Variants in PSMA3 observed in about 807,000 individuals in gnomAD.
PSMA3 encodes proteasome subunit alpha type-3.
Under a neutral mutation model 40.0 loss-of-function variants are expected in PSMA3, and 8 were observed. That is an observed-to-expected ratio of 0.20 (90% confidence interval 0.12 to 0.36). The LOEUF is 0.36. Ranked by LOEUF, PSMA3 falls within the 10% of genes least tolerant of loss-of-function variation. The pLI, the probability that PSMA3 is intolerant of heterozygous loss-of-function variation, is 1.00. For synonymous variants in PSMA3, 110 were observed against 100.0 expected (o/e 1.10, Z -0.59); for missense variants, 219 against 310.6 (o/e 0.70, Z 2.22).
At position 58,254,333 on chromosome 14, in the gene PSMA3, C is replaced by CATAT. The variant is rs544540648; in HGVS notation, c.228+2098_228+2101dup. 9.7e-4 allele frequency among the ~76,000 whole-genome samples: 23 copies of CATAT among 23,798 alleles called. 7 individuals are homozygous for CATAT. In the South Asian group the frequency reaches 0.02, roughly 21 times the overall value. 15.6% of individuals were successfully genotyped at this position (23,798 alleles called of 152,430 possible). On this transcript the variant is annotated intron_variant, in intron 3 of 10. Transcript: ENST00000216455. ...AATATTTTGAAAAAAATTATGCATG[C>CATAT]ATATATATATGTATGTACACACACA...
At chr14:58,257,322 C>T (rs934860244) in intron 3 of PSMA3, among the ~76,000 whole-genome samples, 2 of 151,644 alleles carry the variant, frequency 1.3e-5, no homozygotes, top group African/African-American at 4.9e-5. Flanking sequence ...ATGGTGAAAC[C>T]CCATCTCTAC....
chr14:58,267,024 GTC>G (rs907150655), intron 7 of PSMA3: 3 of 152,094 alleles, frequency 2.0e-5, no homozygotes, highest in Non-Finnish European at 2.9e-5. Context: ...TTTTTAGACA[GTC>G]TCTCTCTCTG....
At chr14:58,259,395 A>T (rs980363362) in intron 5 of PSMA3, among the ~76,000 whole-genome samples, 1 of 151,950 alleles carries the variant, frequency 6.6e-6, no homozygotes, top group African/African-American at 2.4e-5. Context: ...GGTCACTGCA[A>T]CCTCTGCCTC....
At chr14:58,252,081 T>A in intron 2 of PSMA3, 38 bp from the exon 3 acceptor site, 1 of 1,558,550 alleles carries the variant, frequency 6.4e-7, no homozygotes, top group Middle Eastern at 1.9e-4. Flanking sequence ...TTTCTTTTAT[T>A]TTCAGTTAAA....
intron 3 of PSMA3, among the ~76,000 whole-genome samples, chr14:58,257,404 A>G (rs971940152): frequency 7.9e-5 from 12 of 152,106 alleles, no homozygotes; most frequent in Non-Finnish European, 1.5e-4. Flanking sequence ...AGGCTGAGGC[A>G]GGAGAATGGC....
chr14:58,250,220 C>CAAAAAAAAAA (rs10634649), intron 2 of PSMA3, among the ~76,000 whole-genome samples: 36 of 92,994 alleles, frequency 3.9e-4, no homozygotes, highest in African/African-American at 1.1e-3. Flanking sequence ...ACTCCATCTC[C>CAAAAAAAAAA]AAAAAAAAAA....
At chr14:58,258,258 T>A (rs1890194433) in intron 5 of PSMA3, 1 of 370,588 alleles carries the variant, frequency 2.7e-6, no homozygotes, top group Admixed American at 3.8e-5. Flanking sequence ...GCCAACGCAG[T>A]GAGAACCTAT....
At chr14:58,265,304 C>CT (rs1890405961) in intron 7 of PSMA3, 1 of 152,132 alleles carries the variant, frequency 6.6e-6, no homozygotes, top group South Asian at 2.1e-4. Context: ...CAGTTACTAT[C>CT]TGTCTTTCTG....
chr14:58,268,873 G>A (rs953984072), intron 8 of PSMA3: 1 of 152,006 alleles, frequency 6.6e-6, no homozygotes, highest in African/African-American at 2.4e-5. Flanking sequence ...CCTCCAAAAA[G>A]TAAGGTATGT....
At chr14:58,248,520 T>TGATTACAAAGAGCTGG (rs1173943610) in intron 2 of PSMA3, among the ~76,000 whole-genome samples, 1 of 152,156 alleles carries the variant, frequency 6.6e-6, no homozygotes, top group Non-Finnish European at 1.5e-5. Context: ...TATTTCTCGT[T>TGATTACAAAGAGCTGG]GATTACAAAG....
intron 8 of PSMA3, chr14:58,268,701 C>A (rs904297080): frequency 2.0e-5 from 3 of 152,168 alleles, no homozygotes; most frequent in African/African-American, 7.2e-5. Flanking sequence ...GAAATCAGTT[C>A]TTACCATCTT....
chr14:58,264,555 A>C (rs911733294), intron 7 of PSMA3: 3 of 152,202 alleles, frequency 2.0e-5, no homozygotes, highest in Admixed American at 1.3e-4. Flanking sequence ...GTGTTTTGGT[A>C]AACTGAAGTG....
At chr14:58,247,215 C>T (rs1195669691) in intron 1 of PSMA3, among the ~76,000 whole-genome samples, 2 of 152,192 alleles carry the variant, frequency 1.3e-5, no homozygotes, top group African/African-American at 4.8e-5. Context: ...TAGTTCATTG[C>T]TTTACTCTTT....
chr14:58,246,386 A>G (rs1399395054), intron 1 of PSMA3, among the ~76,000 whole-genome samples: 3 of 152,154 alleles, frequency 2.0e-5, no homozygotes, highest in Non-Finnish European at 2.9e-5. Flanking sequence ...CCAACGCTTT[A>G]GCAAGTTTAT....
At chr14:58,260,664 T>C (rs995942696) in intron 5 of PSMA3, among the ~76,000 whole-genome samples, 13 of 152,218 alleles carry the variant, frequency 8.5e-5, no homozygotes, top group African/African-American at 3.1e-4. Context: ...CCTCTCATAG[T>C]TGTGGTTTTC....
chr14:58,271,804 A>G (rs757760973), intron 10 of PSMA3, 47 bp from the exon 11 acceptor site: 148 of 1,415,928 alleles, frequency 1.0e-4, no homozygotes, highest in Admixed American at 3.8e-4. Flanking sequence ...GGTGTGGGAT[A>G]TAACAATTTT....
chr14:58,246,109 A>G (rs1889874398), intron 1 of PSMA3, among the ~76,000 whole-genome samples: 1 of 152,234 alleles, frequency 6.6e-6, no homozygotes, highest in South Asian at 2.1e-4. Flanking sequence ...CAGATCAGGA[A>G]ACAGACTCAG....
chr14:58,262,217 C>T (rs1221217029), intron 6 of PSMA3, among the ~76,000 whole-genome samples: 1 of 152,026 alleles, frequency 6.6e-6, no homozygotes, highest in African/African-American at 2.4e-5. Context: ...GCGTGAGCCA[C>T]AGTGCCGGAC....
At chr14:58,259,155 C>G (rs1406553226) in intron 5 of PSMA3, among the ~76,000 whole-genome samples, 1 of 152,108 alleles carries the variant, frequency 6.6e-6, no homozygotes. Flanking sequence ...TGACATTAGT[C>G]ATTCTTAAGC....
Sources: gnomAD v4.1 joint callset for allele counts (sites outside exome capture counted in the v4.1 genomes callset) on GRCh38, gnomAD v4.1.1 for gene constraint, MANE v1.5 for transcripts, NCBI Gene and HGNC (gene_info 2026-07-23, HGNC 2026-07-21) for gene names.